Variants in POGLUT2 observed in about 807,000 individuals in gnomAD.
POGLUT2 encodes the protein ER protein 58.
In POGLUT2, 47 loss-of-function variants were observed where a neutral mutation model predicts 57.6. That is an observed-to-expected ratio of 0.82 (90% CI 0.65 to 1.04). The LOEUF (loss-of-function observed/expected upper bound fraction) is 1.04, where lower values mean the gene tolerates loss of function less well. POGLUT2 is among the 50% of genes least tolerant of loss of function. The pLI is 0.00. For missense variants in POGLUT2, 565 were observed against 614.8 expected (o/e 0.92, Z 0.86); for synonymous variants, 200 against 218.8 (o/e 0.91, Z 0.76).
rs371509621 is a variant in POGLUT2, at chr13:102,793,402, T to G, written c.611A>C (p.His204Pro). The part of the protein sequence containing the change: ...LKDNKVYIKT[H>P]GEHVGFRIFM... The stretch of plus-strand genomic sequence containing the variant: ...AATTCTAAAACCTACATGTTCACCA[T>G]GAGTCTTGATATAAACCTAAAAGAG... Residue 204 changes from histidine to proline, a missense_variant, in exon 4 of 10, where the codon CAT (histidine) becomes CCT (proline). His to Pro is a moderately conservative substitution (Grantham distance 77, BLOSUM62 -2). Transcript: ENST00000376004. The G allele has an allele frequency of 3.8e-6, 6 of 1,591,208 alleles. No individual in the cohort carries two copies. The highest frequency in any genetic ancestry group is 1.3e-5 in the African/African-American group (1 of 74,568).
chr13:102,787,915 C>T lies in POGLUT2; in HGVS notation c.1302G>A (p.Lys434=). 1 of 1,591,416 alleles carries T rather than the reference C, an allele frequency of 6.3e-7. No individual in the cohort carries two copies. The highest frequency in any genetic ancestry group is 1.1e-5 in the South Asian group (1 of 88,240). The change falls in exon 8 of 10, where the codon AAG becomes AAA. Residue 434 remains lysine, a synonymous_variant. Coordinates refer to ENST00000376004, the MANE Select transcript of POGLUT2 (RefSeq NM_024089.3). ...CAAATTCTTGTCCTGCTTTTGCTAT[C>T]TTTTTGGCCTACAGGAAGAACAACG... is the stretch of plus-strand genomic sequence containing the variant. ...WAKDHDEEAK[K]IAKAGQEFAR...
chr13:102,787,064 G>A (rs973704954), intron 8 of POGLUT2, among the ~76,000 whole-genome samples: 1 of 145,810 alleles, frequency 6.9e-6, no homozygotes, highest in Non-Finnish European at 1.5e-5. Context: ...TTATTTTTTT[G>A]AGACAGAATC....
At chr13:102,797,875 A>C (rs1156384184) in intron 1 of POGLUT2, among the ~76,000 whole-genome samples, 1 of 152,204 alleles carries the variant, frequency 6.6e-6, no homozygotes, top group African/African-American at 2.4e-5. Flanking sequence ...TTTCTGTATG[A>C]AATACACACA....
In POGLUT2 at chr13:102,798,971, T is replaced by C. The variant is rs1878569328; in HGVS notation, c.-301A>G. ...TTGAGTTGCTCCTGCCACTGGAGCA[T>C]CATTTGGGAGCGAATCCGTCTCAGG... is the stretch of plus-strand genomic sequence containing the variant. On this transcript the variant is annotated 5_prime_UTR_variant, in exon 1 of 10. It removes an upstream start codon present in the reference 5' UTR. Coordinates refer to ENST00000376004, the MANE Select transcript of POGLUT2 (RefSeq NM_024089.3). 1 of 411,128 alleles carries C rather than the reference T, an allele frequency of 2.4e-6. No homozygotes were observed. The highest frequency in any genetic ancestry group is 4.3e-6 in the Non-Finnish European group (1 of 233,846). 25.5% of individuals were successfully genotyped at this position (411,128 alleles called of 1,614,324 possible).
intron 7 of POGLUT2, among the ~76,000 whole-genome samples, chr13:102,788,527 C>T (rs1018011755): frequency 6.6e-6 from 1 of 152,158 alleles, no homozygotes; most frequent in African/African-American, 2.4e-5. Flanking sequence ...GCTCTTGTTG[C>T]CCAGGCTGGA....
intron 1 of POGLUT2, among the ~76,000 whole-genome samples, 161 bp downstream of exon 1, chr13:102,798,328 T>C (rs74109610): frequency 0.04 from 6,145 of 152,326 alleles, 380 homozygotes; most frequent in African/African-American, 0.14. Context: ...GCATATATTA[T>C]AATTCGGAAC....
intron 9 of POGLUT2, 75 bp downstream of exon 9, chr13:102,786,157 C>T: frequency 2.2e-6 from 2 of 919,656 alleles, no homozygotes; most frequent in Non-Finnish European, 1.8e-6. Flanking sequence ...GATTGAATGA[C>T]TATAGGAATA....
intron 2 of POGLUT2, among the ~76,000 whole-genome samples, chr13:102,794,155 T>G (rs1878288926): frequency 6.6e-6 from 1 of 152,036 alleles, no homozygotes; most frequent in South Asian, 2.1e-4. Flanking sequence ...GAGGATCACT[T>G]GAGCCCAGGA....
chr13:102,786,199 T>C (rs1877932803), intron 9 of POGLUT2, 33 bp downstream of exon 9: 1 of 1,393,774 alleles, frequency 7.2e-7, no homozygotes, highest in African/African-American at 1.4e-5. Context: ...TAGTTTTTAC[T>C]CTGACACCGG....
At chr13:102,796,316 AT>A (rs1316582584) in intron 2 of POGLUT2, among the ~76,000 whole-genome samples, 17 of 148,050 alleles carry the variant, frequency 1.1e-4, no homozygotes, top group African/African-American at 2.5e-4. Context: ...AAAAAAATAA[AT>A]AAATAAATAA....
intron 4 of POGLUT2, chr13:102,792,037 T>C: frequency 1.4e-5 from 18 of 1,289,668 alleles, no homozygotes; most frequent in Non-Finnish European, 1.8e-5. Context: ...TGAAGAACAT[T>C]CTCATTTTCC....
intron 1 of POGLUT2, among the ~76,000 whole-genome samples, chr13:102,797,936 T>C (rs1878492559): frequency 6.6e-6 from 1 of 152,228 alleles, no homozygotes; most frequent in Non-Finnish European, 1.5e-5. Context: ...ATAGGAATTA[T>C]AAAAATAAGT....
chr13:102,797,067 G>T, intron 1 of POGLUT2, 58 bp from the exon 2 acceptor site: 1 of 1,198,646 alleles, frequency 8.3e-7, no homozygotes, highest in Non-Finnish European at 1.2e-6. Flanking sequence ...ACACACAAAG[G>T]TTATGCTCTT....
intron 8 of POGLUT2, among the ~76,000 whole-genome samples, chr13:102,786,792 A>G (rs974119732): frequency 6.6e-6 from 1 of 152,092 alleles, no homozygotes; most frequent in Non-Finnish European, 1.5e-5. Context: ...TGCCCCATGG[A>G]TCCTTAGAAA....
intron 4 of POGLUT2, chr13:102,793,086 T>G: frequency 5.2e-6 from 2 of 386,208 alleles, no homozygotes; most frequent in Non-Finnish European, 9.3e-6. Flanking sequence ...GACACTTTGA[T>G]TTTGGACATC....
chr13:102,784,946 G>T (rs1369662643), intron 9 of POGLUT2, among the ~76,000 whole-genome samples: 1 of 152,202 alleles, frequency 6.6e-6, no homozygotes, highest in Non-Finnish European at 1.5e-5. Flanking sequence ...TAGAGCCAAA[G>T]TGAGAAGTGT....
At chr13:102,792,510 G>T (rs891162627) in intron 4 of POGLUT2, among the ~76,000 whole-genome samples, 2 of 152,178 alleles carry the variant, frequency 1.3e-5, no homozygotes, top group Non-Finnish European at 2.9e-5. Flanking sequence ...TTAAATCCCA[G>T]TGTCTCAGAA....
In POGLUT2 at chr13:102,793,775, A is replaced by G. The variant is rs930883702; in HGVS notation, c.420T>C (p.Pro140=). 2.5e-6 allele frequency: 4 copies of G among 1,614,102 alleles called. No individual in the cohort carries two copies. The African/African-American group carries it at 4.0e-5, about 16-fold the overall frequency. ...GTAGCCAGGCTGCACTATCTTGCAG[A>G]GGACAGTCACAGTTCTCATGGTAAA... The part of the protein sequence containing the change: ...GPVYHENCDC[P]LQDSAAWLRE... The change falls in exon 3 of 10, where the codon CCT becomes CCC. Residue 140 remains proline (P), a synonymous_variant. Coordinates refer to ENST00000376004, the MANE Select transcript of POGLUT2 (RefSeq NM_024089.3).
intron 9 of POGLUT2, among the ~76,000 whole-genome samples, 177 bp from the exon 10 acceptor site, chr13:102,784,689 T>C (rs1476699366): frequency 6.6e-6 from 1 of 152,220 alleles, no homozygotes; most frequent in Non-Finnish European, 1.5e-5. Flanking sequence ...AAAATCACAT[T>C]GTGTTTCATA....
Sources: gnomAD v4.1 joint callset for allele counts (sites outside exome capture counted in the v4.1 genomes callset) on GRCh38, gnomAD v4.1.1 for gene constraint, MANE v1.5 for transcripts, NCBI Gene and HGNC (gene_info 2026-07-23, HGNC 2026-07-21) for gene names.